The following VPS50 variants were observed in gnomAD, a reference collection of about 807,000 sequenced individuals.
VPS50 encodes the protein syndetin.
VPS50 carries 70 observed loss-of-function variants against 139.7 expected under a neutral mutation model. The observed-to-expected ratio is 0.50, with a 90% CI of 0.41 to 0.61. The LOEUF is 0.61. Ranked by LOEUF, VPS50 falls within the 20% of genes least tolerant of loss-of-function variation. VPS50 has a pLI of 0.00. For synonymous variants in VPS50, 365 were observed against 376.7 expected, an observed-to-expected ratio of 0.97 and a Z score of 0.36; for missense variants, 921 against 1,133.7, an observed-to-expected ratio of 0.81 and a Z score of 2.69.
chr7:93,319,217 A>T (rs1797527346), intron 20 of VPS50, among the ~76,000 whole-genome samples: 1 of 152,178 alleles, frequency 6.6e-6, no homozygotes, highest in Admixed American at 6.5e-5. Flanking sequence ...AGTAAATTAA[A>T]CTTCTGCATT....
intron 16 of VPS50, among the ~76,000 whole-genome samples, chr7:93,300,525 G>A (rs1796945889): frequency 6.6e-6 from 1 of 152,106 alleles, no homozygotes; most frequent in East Asian, 1.9e-4. Context: ...TTTATTATAG[G>A]AGAGCCAGAG....
chr7:93,288,350 A>G lies in VPS50; in HGVS notation c.943-3353A>G, dbSNP rs114657782. Reference sequence around the variant, plus strand: ...TCACAGCTGCAAAGTACTCTTTTGTATGTATGAATAATGTTCTACCAATCT... The same window carrying G: ...TCACAGCTGCAAAGTACTCTTTTGTGTGTATGAATAATGTTCTACCAATCT... On this transcript the variant is annotated intron_variant, in intron 12 of 27. Coordinates refer to ENST00000305866, the MANE Select transcript of VPS50 (RefSeq NM_017667.4). Among the ~76,000 whole-genome samples the G allele has an allele frequency of 4.2e-3, 645 of 152,268 alleles. 3 individuals are homozygous for G. Among genetic ancestry groups the G allele is most frequent in the African/African-American group, 0.015 (611 of 41,552 alleles).
At position 93,341,362 on chromosome 7, in the gene VPS50, C is replaced by A. The variant is rs527864641; in HGVS notation, c.2059-65C>A. 4.0e-5 allele frequency: 44 copies of A among 1,102,982 alleles called. No homozygotes were observed. In the South Asian group the frequency reaches 5.8e-4, roughly 15 times the overall value. 68.3% of individuals were successfully genotyped at this position (1,102,982 alleles called of 1,614,324 possible). A position where few individuals can be genotyped will look rare whatever the true frequency, so the allele number is the denominator to read the frequency against. On this transcript the variant is annotated intron_variant, in intron 22 of 27. Coordinates refer to ENST00000305866, the MANE Select transcript of VPS50 (RefSeq NM_017667.4). ...ATTTTAATTTTAATTCTAATTTTGT[C>A]AAAATCACGTGGTTTATTACTGTTA...
intron 12 of VPS50, among the ~76,000 whole-genome samples, chr7:93,282,745 A>C (rs2116913800): frequency 6.6e-6 from 1 of 152,352 alleles, no homozygotes; most frequent in African/African-American, 2.4e-5. Flanking sequence ...TGAATAGGTG[A>C]GTAGACCTTT....
intron 25 of VPS50, among the ~76,000 whole-genome samples, chr7:93,351,494 C>T (rs545484568): frequency 1.3e-5 from 2 of 152,098 alleles, no homozygotes; most frequent in African/African-American, 2.4e-5. Context: ...TATTTCTCAC[C>T]GTTCTGGAGG....
At chr7:93,294,707 G>A (rs1372170129) in intron 14 of VPS50, 71 bp downstream of exon 14, 1 of 1,211,242 alleles carries the variant, frequency 8.3e-7, no homozygotes, top group African/African-American at 1.5e-5. Flanking sequence ...TAGAAATTCA[G>A]TTTTAAGTTT....
At chr7:93,291,414 A>G (rs1453590351) in intron 12 of VPS50, among the ~76,000 whole-genome samples, 1 of 152,038 alleles carries the variant, frequency 6.6e-6, no homozygotes. Context: ...TTACACTGCT[A>G]TTTATGGGAC....
At chr7:93,234,399 GAA>G (rs1470210357) in intron 1 of VPS50, among the ~76,000 whole-genome samples, 1 of 152,066 alleles carries the variant, frequency 6.6e-6, no homozygotes, top group Non-Finnish European at 1.5e-5. Context: ...AATTGAAATG[GAA>G]AAAAATACAT....
chr7:93,307,263 A>G (rs1215199445), intron 18 of VPS50, among the ~76,000 whole-genome samples: 2 of 151,912 alleles, frequency 1.3e-5, no homozygotes, highest in Non-Finnish European at 2.9e-5. Context: ...CTCTTGCCTA[A>G]ATGAAGCTTA....
chr7:93,235,083 A>G (rs1794760038), intron 1 of VPS50, among the ~76,000 whole-genome samples: 1 of 152,198 alleles, frequency 6.6e-6, no homozygotes. Context: ...CCTCACAGAG[A>G]AGGTAATATA....
intron 1 of VPS50, among the ~76,000 whole-genome samples, chr7:93,238,719 CA>C (rs887817205): frequency 2.0e-5 from 3 of 152,062 alleles, no homozygotes; most frequent in African/African-American, 4.8e-5. Context: ...TGTTGATGGA[CA>C]TGATCCAAGG....
chr7:93,351,865 A>G (rs1050589977), intron 25 of VPS50, among the ~76,000 whole-genome samples: 7 of 152,204 alleles, frequency 4.6e-5, no homozygotes, highest in African/African-American at 1.7e-4. Flanking sequence ...TGCTTGTTTC[A>G]GTTATTTGTT....
chr7:93,247,823 A>G (rs780967249), intron 2 of VPS50, among the ~76,000 whole-genome samples: 6 of 152,036 alleles, frequency 3.9e-5, no homozygotes, highest in Non-Finnish European at 5.9e-5. Context: ...GTTAGTTTCT[A>G]ATGATAGTAT....
chr7:93,291,892 T>A, intron 13 of VPS50, 57 bp downstream of exon 13: 1 of 1,200,160 alleles, frequency 8.3e-7, no homozygotes, highest in Non-Finnish European at 1.1e-6. Flanking sequence ...CCCACATTAC[T>A]GGAGTAAGAA....
At chr7:93,289,244 A>AACTT (rs1221635010) in intron 12 of VPS50, among the ~76,000 whole-genome samples, 1 of 152,120 alleles carries the variant, frequency 6.6e-6, no homozygotes, top group Non-Finnish European at 1.5e-5. Context: ...TTGTAGTTTT[A>AACTT]ACTTACATTT....
At chr7:93,239,452 G>A (rs1006694789) in intron 1 of VPS50, among the ~76,000 whole-genome samples, 1 of 152,150 alleles carries the variant, frequency 6.6e-6, no homozygotes. Flanking sequence ...TGTTAGCTTA[G>A]TTGGTTAGTA....
At chr7:93,334,492 G>T (rs555671812) in intron 22 of VPS50, among the ~76,000 whole-genome samples, 2 of 152,254 alleles carry the variant, frequency 1.3e-5, no homozygotes, top group East Asian at 3.9e-4. Flanking sequence ...CTTGTGCTAG[G>T]CTTCGAAGAC....
rs1320663636 is a variant in VPS50 at position 93,294,011 on chromosome 7, AGGGC to A, written c.1076-531_1076-528del. 8.5e-5 allele frequency among the ~76,000 whole-genome samples: 13 copies of A among 152,312 alleles called. No individual in the cohort carries two copies. In the East Asian group the frequency reaches 2.5e-3, roughly 29 times the overall value. On this transcript the variant is annotated intron_variant, in intron 13 of 27. Transcript: ENST00000305866. The stretch of plus-strand genomic sequence containing the variant: ...GTATGTGTCTTTTTCAGTTGTCTTT[AGGGC>A]GGAGATTGGAGGCAGATCACTGATC...
rs374206189 is a variant in VPS50 at position 93,234,344 on chromosome 7, C to T, written c.33+1844C>T. Among the ~76,000 whole-genome samples the T allele has an allele frequency of 3.3e-5, 5 of 152,104 alleles. No individual in the cohort carries two copies. In the East Asian group the frequency reaches 7.7e-4, roughly 23 times the overall value. The stretch of plus-strand genomic sequence containing the variant: ...GTGCTGAAAATGGTAACACTTAAGC[C>T]TTAGTCAGTTGCTTATTGAATTTCA... On this transcript the variant is annotated intron_variant, in intron 1 of 27. Transcript: ENST00000305866.
Sources: gnomAD v4.1 joint callset for allele counts (sites outside exome capture counted in the v4.1 genomes callset) on GRCh38, gnomAD v4.1.1 for gene constraint, MANE v1.5 for transcripts, NCBI Gene and HGNC (gene_info 2026-07-23, HGNC 2026-07-21) for gene names.